The following RGS7 variants were observed in gnomAD, a reference collection of about 807,000 sequenced individuals.
RGS7 encodes regulator of G-protein signaling 7.
RGS7 carries 27 observed loss-of-function variants against 81.1 expected under a neutral mutation model. That is an observed-to-expected ratio of 0.33 (90% CI 0.25 to 0.46). RGS7 has a LOEUF of 0.46. Ranked by LOEUF, RGS7 falls within the 20% of genes least tolerant of loss-of-function variation. The pLI is 1.00. For missense variants in RGS7, 396 were observed against 607.4 expected (o/e 0.65, Z 3.66); for synonymous variants, 208 against 207.7 (o/e 1.00, Z -0.01).
At chr1:240,821,013 C>A (rs1294442622) in intron 10 of RGS7, among the ~76,000 whole-genome samples, 2 of 152,130 alleles carry the variant, frequency 1.3e-5, no homozygotes, top group African/African-American at 4.8e-5. Context: ...GTGACCATAT[C>A]TGACACAATA....
intron 3 of RGS7, among the ~76,000 whole-genome samples, chr1:241,089,993 C>CAAAAAA (rs10716500): frequency 4.3e-5 from 4 of 93,034 alleles, no homozygotes; most frequent in African/African-American, 1.1e-4. Flanking sequence ...GACTCCATCT[C>CAAAAAA]AAAAAAAAAA....
intron 2 of RGS7, among the ~76,000 whole-genome samples, chr1:241,320,696 G>A (rs1204582025): frequency 2.0e-5 from 3 of 152,200 alleles, no homozygotes; most frequent in Non-Finnish European, 2.9e-5. Context: ...ACATGGAAAG[G>A]AGGAACAGTG....
At chr1:240,982,738 A>G (rs1478503122) in intron 4 of RGS7, among the ~76,000 whole-genome samples, 1 of 152,238 alleles carries the variant, frequency 6.6e-6, no homozygotes, top group Non-Finnish European at 1.5e-5. Context: ...TATGTGTCTT[A>G]TAGAAGGAAA....
chr1:241,109,009 C>T (rs2065324594), intron 2 of RGS7, among the ~76,000 whole-genome samples: 1 of 152,152 alleles, frequency 6.6e-6, no homozygotes. Flanking sequence ...CTTGAGCTCA[C>T]ATCAGTTCGC....
chr1:240,972,216 T>C (rs1477897992), intron 4 of RGS7, among the ~76,000 whole-genome samples: 1 of 152,166 alleles, frequency 6.6e-6, no homozygotes, highest in Non-Finnish European at 1.5e-5. Context: ...AATCCAGGTC[T>C]GAAATAGTTG....
At chr1:241,097,563 C>T (rs1255279371) in intron 3 of RGS7, among the ~76,000 whole-genome samples, 1 of 152,058 alleles carries the variant, frequency 6.6e-6, no homozygotes, top group East Asian at 1.9e-4. Flanking sequence ...GCCTGCAACC[C>T]CTGTACAGGA....
intron 2 of RGS7, among the ~76,000 whole-genome samples, chr1:241,179,721 T>C (rs74865714): frequency 0.028 from 4,216 of 152,320 alleles, 88 homozygotes; most frequent in Middle Eastern, 0.13. Context: ...AGTCCAATTC[T>C]CCACAAAATT....
At chr1:241,055,121 AAGAT>A (rs1156521009) in intron 3 of RGS7, among the ~76,000 whole-genome samples, 2 of 140,446 alleles carry the variant, frequency 1.4e-5, no homozygotes, top group Non-Finnish European at 3.2e-5. Flanking sequence ...TAAGGTATAA[AAGAT>A]AGGAAAAACC....
intron 10 of RGS7, among the ~76,000 whole-genome samples, chr1:240,825,549 G>A (rs1340116715): frequency 2.6e-5 from 4 of 152,104 alleles, no homozygotes; most frequent in African/African-American, 4.8e-5. Context: ...AAATGTTAGC[G>A]CTAGACAGCT....
At chr1:240,984,249 T>C (rs1367930849) in intron 3 of RGS7, among the ~76,000 whole-genome samples, 3 of 152,044 alleles carry the variant, frequency 2.0e-5, no homozygotes, top group Non-Finnish European at 4.4e-5. Context: ...ATTATCAAAG[T>C]AAGTTTGAGG....
In RGS7 at chr1:240,866,323, A is replaced by AGACGGGGTTT. The variant is rs571190889; in HGVS notation, c.609+2263_609+2264insAAACCCCGTC. 3.6e-3 allele frequency among the ~76,000 whole-genome samples: 550 copies of AGACGGGGTTT among 152,210 alleles called. 2 individuals carry two copies. Among genetic ancestry groups the AGACGGGGTTT allele is most frequent in the Admixed American group, 6.3e-3 (96 of 15,282 alleles). On this transcript the variant is annotated intron_variant, in intron 9 of 18. Coordinates refer to ENST00000440928, the MANE Select transcript of RGS7 (RefSeq NM_001364886.1). ...TCAGGAGATCGAGATCATCCTTGCT[A>AGACGGGGTTT]ACACGGTGAAACCCCGTCTCTACTA...
chr1:241,323,691 C>A (rs537943536), intron 2 of RGS7, among the ~76,000 whole-genome samples: 5 of 152,286 alleles, frequency 3.3e-5, no homozygotes, highest in East Asian at 3.9e-4. Context: ...GAGCTGCCAA[C>A]GGAGAACAGA....
At position 240,776,164 on chromosome 1, in the gene RGS7, TAGTA is replaced by T; in HGVS notation, c.*52_*55del. The stretch of plus-strand genomic sequence containing the variant: ...CATTCATGCTACAAGATGATCCGTT[TAGTA>T]AGACTGAGCAAGGCTTGTTAACCTC... On this transcript the variant is annotated 3_prime_UTR_variant, in exon 19 of 19. Coordinates refer to ENST00000440928, the MANE Select transcript of RGS7 (RefSeq NM_001364886.1). The T allele has an allele frequency of 6.2e-7, 1 of 1,609,340 alleles. No individual in the cohort carries two copies. Among genetic ancestry groups the T allele is most frequent in the African/African-American group, 1.3e-5 (1 of 74,952 alleles).
intron 6 of RGS7, among the ~76,000 whole-genome samples, chr1:240,873,077 T>TAA (rs11402892): frequency 1.3e-5 from 2 of 150,346 alleles, no homozygotes; most frequent in African/African-American, 4.9e-5. Context: ...AGACTCCGTC[T>TAA]AAAAAAAAAC....
At chr1:241,121,659 GAAGA>G (rs2066262294) in intron 2 of RGS7, among the ~76,000 whole-genome samples, 3 of 145,322 alleles carry the variant, frequency 2.1e-5, no homozygotes, top group Non-Finnish European at 3.0e-5. Context: ...GAAGTTTAGA[GAAGA>G]AAGAGTTTAT....
intron 2 of RGS7, among the ~76,000 whole-genome samples, chr1:241,241,138 C>T (rs967915518): frequency 7.2e-5 from 11 of 152,150 alleles, no homozygotes; most frequent in Admixed American, 2.6e-4. Context: ...AGTGAGGAAA[C>T]CACCACTAGA....
chr1:241,284,186 C>T (rs2078672949), intron 2 of RGS7, among the ~76,000 whole-genome samples: 1 of 152,132 alleles, frequency 6.6e-6, no homozygotes, highest in African/African-American at 2.4e-5. Context: ...TCTTGTCCTC[C>T]ATATAAGTGA....
chr1:240,859,440 G>GTTTTTTTTTTTTTTTTTTTTTTTGTTTCT (rs5782167), intron 9 of RGS7, among the ~76,000 whole-genome samples: 1 of 110,828 alleles, frequency 9.0e-6, no homozygotes, highest in Non-Finnish European at 1.8e-5. Context: ...TTTCTTTCCT[G>GTTTTTTTTTTTTTTTTTTTTTTTGTTTCT]TTTTTTTTTT....
At chr1:241,353,610 T>C (rs931491421) in intron 2 of RGS7, among the ~76,000 whole-genome samples, 1 of 152,172 alleles carries the variant, frequency 6.6e-6, no homozygotes, top group African/African-American at 2.4e-5. Context: ...TAATGCCTTA[T>C]CAAGAAAATC....
Sources: gnomAD v4.1 joint callset for allele counts (sites outside exome capture counted in the v4.1 genomes callset) on GRCh38, gnomAD v4.1.1 for gene constraint, MANE v1.5 for transcripts, NCBI Gene and HGNC (gene_info 2026-07-23, HGNC 2026-07-21) for gene names.